The following CCDC171 variants were observed in gnomAD, a reference collection of about 807,000 sequenced individuals.
CCDC171 encodes the protein coiled-coil domain-containing protein 171.
A neutral mutation model predicts 168.2 loss-of-function variants in CCDC171; 177 were observed. The ratio of observed to expected loss-of-function variants is 1.05; its 90% CI spans 0.93 to 1.19. The LOEUF is 1.19. Among genes scored for constraint, CCDC171 ranks in the 50% most tolerant of loss-of-function variants. The pLI is 0.00. For synonymous variants in CCDC171, 687 were observed against 540.8 expected (o/e 1.27, Z -3.75); for missense variants, 1,991 against 1,539.0 (o/e 1.29, Z -4.91).
Position 15,729,600 on chromosome 9 carries a change from C to A in CCDC171, c.1861-10C>A, listed in dbSNP as rs762934208. 6.3e-7 allele frequency: 1 copy of A among 1,588,484 alleles called. No individual in the cohort carries two copies. ...GCATATTTCCTTCTCTGTTGCATCT[C>A]CCCGTATAGATAAGGCATCTAGAGT... On this transcript the variant is annotated splice_polypyrimidine_tract_variant and intron_variant, in intron 15 of 25. Transcript: ENST00000380701.
Position 15,821,936 on chromosome 9 carries a change from C to G in CCDC171, c.3268-24766C>G, listed in dbSNP as rs1356872086. 6.1e-5 allele frequency among the ~76,000 whole-genome samples: 3 copies of G among 49,010 alleles called. 1 individual carries two copies. The highest frequency in any genetic ancestry group is 1.5e-4 in the Non-Finnish European group (3 of 19,526). 32.2% of individuals were successfully genotyped at this position (49,010 alleles called of 152,430 possible). ...TCACGCTACCTGACTTCAAACTATA[C>G]AACAAGGCTACAGTAACCAAAACAC... On this transcript the variant is annotated intron_variant, in intron 21 of 25. Transcript: ENST00000380701.
At chr9:15,980,657 T>C (rs1461560158) in intron 3 of CCDC171, among the ~76,000 whole-genome samples, 5 of 152,122 alleles carry the variant, frequency 3.3e-5, no homozygotes, top group African/African-American at 1.2e-4. Flanking sequence ...TCCTTGGCAT[T>C]TGTCTAAGAT....
intron 21 of CCDC171, among the ~76,000 whole-genome samples, chr9:15,810,872 G>T (rs1442379449): frequency 2.0e-5 from 3 of 152,248 alleles, no homozygotes; most frequent in Non-Finnish European, 4.4e-5. Flanking sequence ...CAGGCTGAAG[G>T]GTTCCTCAAG....
intron 23 of CCDC171, among the ~76,000 whole-genome samples, chr9:15,860,630 T>G (rs1588890447): frequency 2.6e-5 from 4 of 152,170 alleles, no homozygotes; most frequent in Admixed American, 2.0e-4. Flanking sequence ...GGTATGATTT[T>G]AATATTCTTA....
At chr9:15,896,770 A>G (rs1045837427) in intron 24 of CCDC171, among the ~76,000 whole-genome samples, 1 of 152,064 alleles carries the variant, frequency 6.6e-6, no homozygotes, top group African/African-American at 2.4e-5. Context: ...TGTAATAGTC[A>G]TATACAATTT....
At chr9:16,096,253 C>T in the CCDC171 span, among the ~76,000 whole-genome samples, 1 of 152,074 alleles carries the variant, frequency 6.6e-6, no homozygotes, top group African/African-American at 2.4e-5. Flanking sequence ...AAATGTAGAG[C>T]AGGCCATAGT....
At chr9:15,696,443 A>G (rs1266135178) in intron 11 of CCDC171, among the ~76,000 whole-genome samples, 2 of 152,234 alleles carry the variant, frequency 1.3e-5, no homozygotes, top group African/African-American at 4.8e-5. Context: ...TTACTGTATC[A>G]TAATCATAAT....
intron 11 of CCDC171, among the ~76,000 whole-genome samples, chr9:15,705,129 C>T (rs988839400): frequency 8.5e-5 from 13 of 152,110 alleles, no homozygotes; most frequent in African/African-American, 3.1e-4. Context: ...CACTCTCACT[C>T]ACTCAGATAA....
chr9:15,676,482 G>C (rs991179251), intron 9 of CCDC171, among the ~76,000 whole-genome samples: 1 of 151,994 alleles, frequency 6.6e-6, no homozygotes. Context: ...GTTGATCTCT[G>C]TGGGAGCTGC....
chr9:15,993,975 C>G (rs60598836), intron 3 of CCDC171, among the ~76,000 whole-genome samples: 2 of 152,086 alleles, frequency 1.3e-5, no homozygotes, highest in East Asian at 1.9e-4. Flanking sequence ...AGGAACACTT[C>G]TACACTGTTG....
chr9:15,763,664 A>G (rs2135134265), intron 18 of CCDC171, among the ~76,000 whole-genome samples: 1 of 152,326 alleles, frequency 6.6e-6, no homozygotes. Flanking sequence ...TACTACCCAT[A>G]CAATATATAT....
Position 15,571,744 on chromosome 9 carries a change from C to T in CCDC171, c.162C>T (p.Thr54=). 1 of 1,582,566 alleles carries T rather than the reference C, an allele frequency of 6.3e-7. No individual in the cohort carries two copies. Among genetic ancestry groups the T allele is most frequent in the Non-Finnish European group, 8.5e-7 (1 of 1,172,066 alleles). Reference sequence around the variant, plus strand: ...AAAAAGAAAAGTTAGAAATAACAACCAAACACAATGCAGAGGTACGATTTA... The same window carrying T: ...AAAAAGAAAAGTTAGAAATAACAACTAAACACAATGCAGAGGTACGATTTA... ...WAKKEKLEIT[T]KHNAELASYE... is the part of the protein sequence containing the mutation. Residue 54 remains threonine (T), a synonymous_variant, in exon 3 of 26, where the codon ACC becomes ACT. Transcript: ENST00000380701.
chr9:15,717,947 A>G (rs1476034458), intron 11 of CCDC171, among the ~76,000 whole-genome samples: 1 of 152,220 alleles, frequency 6.6e-6, no homozygotes, highest in Non-Finnish European at 1.5e-5. Context: ...TCTGCTTGAG[A>G]ACAGCAGAGA....
At chr9:16,036,622 C>T (rs1833474891) in intron 8 of CCDC171, among the ~76,000 whole-genome samples, 1 of 152,114 alleles carries the variant, frequency 6.6e-6, no homozygotes, top group African/African-American at 2.4e-5. Flanking sequence ...CCAGCCTGGG[C>T]CACAGAGCGA....
intron 23 of CCDC171, among the ~76,000 whole-genome samples, chr9:15,865,018 T>G (rs2061716601): frequency 6.6e-6 from 1 of 152,094 alleles, no homozygotes; most frequent in South Asian, 2.1e-4. Context: ...CTGAGAAGTC[T>G]TAGATGCTTT....
chr9:16,012,410 G>C (rs1832893426), intron 3 of CCDC171, among the ~76,000 whole-genome samples: 1 of 152,234 alleles, frequency 6.6e-6, no homozygotes, highest in Admixed American at 6.5e-5. Context: ...TCTTTGGTTG[G>C]TCAGAGGTTG....
chr9:15,720,689 T>G (rs963503980), intron 11 of CCDC171, among the ~76,000 whole-genome samples: 4 of 152,220 alleles, frequency 2.6e-5, no homozygotes, highest in African/African-American at 9.6e-5. Flanking sequence ...ATCAATTTTT[T>G]TAGTATATTT....
chr9:15,993,564 C>A (rs1220849038), intron 3 of CCDC171, among the ~76,000 whole-genome samples: 1 of 152,130 alleles, frequency 6.6e-6, no homozygotes, highest in African/African-American at 2.4e-5. Flanking sequence ...ACACCAAAAG[C>A]AATGGCAACA....
In CCDC171 at chr9:15,584,778, G is replaced by A. The variant is rs907250352; in HGVS notation, c.352+5755G>A. ...TGGGGGTATTGTGTTCTGAGCCCCA[G>A]TAATTACCTTTGGTGTTTAATAATA... On this transcript the variant is annotated intron_variant, in intron 4 of 25. Transcript: ENST00000380701. Among the ~76,000 whole-genome samples, 14 of 152,230 alleles carry A rather than the reference G, an allele frequency of 9.2e-5. No individual in the cohort carries two copies. In the South Asian group the frequency reaches 1.7e-3, roughly 18 times the overall value.
Sources: allele counts gnomAD v4.1 joint callset (sites outside exome capture counted in the v4.1 genomes callset), GRCh38; gene constraint gnomAD v4.1.1; transcripts MANE v1.5; gene names NCBI Gene and HGNC (gene_info 2026-07-23, HGNC 2026-07-21).